CCDC149: variants seen among roughly 807,000 people sequenced by gnomAD.
The protein encoded by CCDC149 is coiled-coil domain containing 149.
In CCDC149, 45 loss-of-function variants were observed where a neutral mutation model predicts 59.9. The observed-to-expected ratio is 0.75, with a 90% CI of 0.59 to 0.96. The LOEUF is 0.96. Ranked by LOEUF, CCDC149 falls within the 40% of genes least tolerant of loss-of-function variation. CCDC149 has a pLI of 0.00. For synonymous variants in CCDC149, 245 were observed against 260.6 expected, an observed-to-expected ratio of 0.94 and a Z score of 0.58; for missense variants, 584 against 664.7, an observed-to-expected ratio of 0.88 and a Z score of 1.33.
upstream of CCDC149, among the ~76,000 whole-genome samples, chr4:24,916,708 C>T (rs1722131266): frequency 6.6e-6 from 1 of 151,470 alleles, no homozygotes; most frequent in African/African-American, 2.4e-5. Context: ...CATTTTTTTT[C>T]CCCAGTGACT....
At chr4:24,805,830 C>T (rs1714125612), downstream of CCDC149, among the ~76,000 whole-genome samples, 1 of 152,196 alleles carries the variant, frequency 6.6e-6, no homozygotes, top group Non-Finnish European at 1.5e-5. Context: ...TTATCTGGAG[C>T]TGTTGCAGCC....
chr4:24,975,255 AAAAC>A (rs1350697579), intron 1 of CCDC149, among the ~76,000 whole-genome samples: 1 of 151,550 alleles, frequency 6.6e-6, no homozygotes, highest in Non-Finnish European at 1.5e-5. Context: ...AAAACAGACT[AAAAC>A]AGGAAGGGAA....
At chr4:24,954,084 A>T (rs546625834) in intron 1 of CCDC149, among the ~76,000 whole-genome samples, 1 of 152,172 alleles carries the variant, frequency 6.6e-6, no homozygotes, top group Non-Finnish European at 1.5e-5. Context: ...GAGAAGAGAG[A>T]GAAAGGGACC....
chr4:24,863,168 C>A (rs764331229), intron 3 of CCDC149, among the ~76,000 whole-genome samples: 15 of 152,108 alleles, frequency 9.9e-5, no homozygotes, highest in Non-Finnish European at 2.2e-4. Context: ...CGGTATGCAC[C>A]CGTAGTCCCA....
At chr4:24,956,650 C>T (rs1485406442) in intron 1 of CCDC149, among the ~76,000 whole-genome samples, 4 of 152,118 alleles carry the variant, frequency 2.6e-5, no homozygotes, top group Admixed American at 6.5e-5. Flanking sequence ...ATAAACCCTA[C>T]GAAGGATCAG....
chr4:24,959,027 G>A (rs1180978515), intron 1 of CCDC149, among the ~76,000 whole-genome samples: 3 of 152,186 alleles, frequency 2.0e-5, no homozygotes, highest in Non-Finnish European at 2.9e-5. Flanking sequence ...AGGCTGGACT[G>A]CAGTGGCGCG....
At chr4:24,874,262 TTTGTTTTTTTTTG>T (rs1234300544) in intron 2 of CCDC149, among the ~76,000 whole-genome samples, 5,361 of 35,334 alleles carry the variant, frequency 0.15, 534 homozygotes, top group East Asian at 0.21. Flanking sequence ...TTTTTTTTGT[TTTGTTTTTTTTTG>T]TTTTTTTGCC....
chr4:24,816,740 C>T (rs189457109), intron 12 of CCDC149, among the ~76,000 whole-genome samples: 4 of 152,134 alleles, frequency 2.6e-5, no homozygotes, highest in Admixed American at 2.0e-4. Context: ...ATGCAATCAA[C>T]GGCTACAAAC....
chr4:24,845,538 A>T (rs1717232366), intron 4 of CCDC149, among the ~76,000 whole-genome samples: 1 of 152,246 alleles, frequency 6.6e-6, no homozygotes, highest in Non-Finnish European at 1.5e-5. Context: ...GTAACTACAC[A>T]ATACCGACTG....
intron 1 of CCDC149, among the ~76,000 whole-genome samples, chr4:24,885,338 G>C (rs1221693521): frequency 2.6e-5 from 4 of 152,346 alleles, no homozygotes; most frequent in African/African-American, 9.6e-5. Context: ...TGCCAAGCTT[G>C]AGAAGAGAAG....
chr4:24,966,749 G>C (rs1723815606), intron 1 of CCDC149, among the ~76,000 whole-genome samples: 1 of 152,268 alleles, frequency 6.6e-6, no homozygotes, highest in Non-Finnish European at 1.5e-5. Flanking sequence ...ATTGCTGCAT[G>C]ACCTGGTCCT....
intron 1 of CCDC149, among the ~76,000 whole-genome samples, chr4:24,957,582 T>C (rs78660555): frequency 0.019 from 2,923 of 152,314 alleles, 111 homozygotes; most frequent in African/African-American, 0.067. Flanking sequence ...ACGGAATACA[T>C]GTATTCATAA....
chr4:24,904,202 G>A (rs893549838), intron 1 of CCDC149, among the ~76,000 whole-genome samples: 8 of 152,294 alleles, frequency 5.3e-5, no homozygotes, highest in Non-Finnish European at 1.2e-4. Context: ...CCTAAAATAT[G>A]TGCACATTTT....
At chr4:24,832,332 C>T (rs994780359) in intron 8 of CCDC149, among the ~76,000 whole-genome samples, 7 of 152,104 alleles carry the variant, frequency 4.6e-5, no homozygotes, top group African/African-American at 1.7e-4. Context: ...AGCAAGGTGG[C>T]ACAAAGATAG....
At chr4:24,951,754 G>A (rs893020398) in intron 1 of CCDC149, among the ~76,000 whole-genome samples, 72 of 152,234 alleles carry the variant, frequency 4.7e-4, no homozygotes, top group Non-Finnish European at 7.4e-5. Flanking sequence ...CATTTTGTGT[G>A]GAATGGTAAA....
At chr4:24,949,880 G>A (rs1465572853) in intron 1 of CCDC149, among the ~76,000 whole-genome samples, 2 of 152,192 alleles carry the variant, frequency 1.3e-5, no homozygotes, top group African/African-American at 2.4e-5. Context: ...GACTCCCCGG[G>A]GCCTGTGACT....
rs1164048254 is a variant in CCDC149 at position 24,973,803 on chromosome 4, A to G, written c.-65+6266T>C. The stretch of plus-strand genomic sequence containing the variant: ...TTCTGTGCAACGTTATCCACAGTCC[A>G]CCAGGCAGGCTGAGAGCTGCTTCTT... On this transcript the variant is annotated intron_variant, in intron 1 of 12. Coordinates refer to the CCDC149 transcript ENST00000389609. 3.9e-5 allele frequency among the ~76,000 whole-genome samples: 6 copies of G among 152,338 alleles called. 1 individual carries two copies. Among genetic ancestry groups the G allele is most frequent in the Middle Eastern group, 6.8e-3 (2 of 294 alleles).
At chr4:24,894,469 C>T (rs992568576) in intron 1 of CCDC149, among the ~76,000 whole-genome samples, 31 of 152,042 alleles carry the variant, frequency 2.0e-4, no homozygotes, top group Non-Finnish European at 4.0e-4. Context: ...TTCTGGGAGA[C>T]GGGTGGAGCT....
At chr4:24,917,913 G>T (rs531843981), upstream of CCDC149, among the ~76,000 whole-genome samples, 1 of 152,268 alleles carries the variant, frequency 6.6e-6, no homozygotes, top group South Asian at 2.1e-4. Context: ...CGGGTTAGCA[G>T]CATGGCCCTT....
Sources: gnomAD v4.1 joint callset for allele counts (sites outside exome capture counted in the v4.1 genomes callset) on GRCh38, gnomAD v4.1.1 for gene constraint, MANE v1.5 for transcripts, NCBI Gene and HGNC (gene_info 2026-07-23, HGNC 2026-07-21) for gene names.